Variants in HLA-DMB observed in about 807,000 individuals in gnomAD.
HLA-DMB encodes HLA class II histocompatibility antigen, DM beta chain.
A neutral mutation model predicts 29.3 loss-of-function variants in HLA-DMB; 18 were observed. That is an observed-to-expected ratio of 0.62 (90% CI 0.43 to 0.91). The LOEUF is 0.91. HLA-DMB is among the 40% of genes least tolerant of loss of function. The pLI, the probability that HLA-DMB is intolerant of heterozygous loss-of-function variation, is 0.00. For missense variants in HLA-DMB, 258 were observed against 320.9 expected (o/e 0.80, Z 1.50); for synonymous variants, 143 against 128.7 (o/e 1.11, Z -0.75).
At chr6:32,935,168 G>C in intron 5 of HLA-DMB, 174 bp downstream of exon 5, 1 of 832,608 alleles carries the variant, frequency 1.2e-6, no homozygotes, top group Non-Finnish European at 2.0e-6. Flanking sequence ...AGAAGAGGAG[G>C]ATGCTCCTTC....
intron 1 of HLA-DMB, among the ~76,000 whole-genome samples, chr6:32,939,235 G>T (rs1179676061): frequency 6.6e-6 from 1 of 152,160 alleles, no homozygotes; most frequent in African/African-American, 2.4e-5. Context: ...TCACCAGAAA[G>T]ACCAAGTCAT....
At chr6:32,935,882 C>A in intron 3 of HLA-DMB, 1 of 577,500 alleles carries the variant, frequency 1.7e-6, no homozygotes, top group South Asian at 2.1e-5. Flanking sequence ...GAATTAGCAT[C>A]CTGGCTTCCA....
Position 32,937,236 on chromosome 6 carries a change from G to A in HLA-DMB, c.558C>T (p.Tyr186=), listed in dbSNP as rs771918401. ...TLSHLALTPS[Y]GDTYTCVVEH... is the part of the protein sequence containing the mutation. ...CTACCACACAGGTGTAAGTGTCCCC[G>A]TAAGAGGGGGTTAAGGCTAAATGGG... Residue 186 remains tyrosine, a synonymous_variant, in exon 3 of 6, where the codon TAC becomes TAT. Transcript: ENST00000418107. The surrounding 1 kb of genome is among the most constrained non-coding windows in gnomAD (Gnocchi z 4.1). 18 of 1,613,778 alleles carry A rather than the reference G, an allele frequency of 1.1e-5. No homozygotes were observed. The highest frequency in any genetic ancestry group is 6.7e-5 in the Admixed American group (4 of 59,990).
chr6:32,938,566 A>G, intron 2 of HLA-DMB, 118 bp downstream of exon 2: 1 of 1,040,978 alleles, frequency 9.6e-7, no homozygotes. Context: ...TTTCAGATCC[A>G]CACATTTTCT....
chr6:32,936,389 C>G (rs1775995499), intron 3 of HLA-DMB: 1 of 152,392 alleles, frequency 6.6e-6, no homozygotes, highest in African/African-American at 2.4e-5. Context: ...AACAACACTT[C>G]CCACAAGGGG....
intron 1 of HLA-DMB, 109 bp downstream of exon 1, chr6:32,940,644 T>C (rs773130997): frequency 1.2e-5 from 9 of 723,250 alleles, no homozygotes; most frequent in Non-Finnish European, 1.9e-5. Context: ...TAGGAATGTA[T>C]ACCAGGGAGA....
Position 32,938,747 on chromosome 6 carries a change from T to C in HLA-DMB, c.274A>G (p.Asn92Asp), listed in dbSNP as rs768294785. The change falls in exon 2 of 6, where the codon AAT (asparagine) becomes GAT (aspartate). Residue 92 changes from asparagine (N) to aspartate (D), a missense_variant. Coordinates refer to ENST00000418107, the MANE Select transcript of HLA-DMB (RefSeq NM_002118.5). ...TGTGTGGCACAATTCTGAAGCCCAT[T>C]GCGCAAGCGCTGCATCAGGGTGTCT... ...QKDTLMQRLR[N>D]GLQNCATHTQ... 2 of 1,598,130 alleles carry C rather than the reference T, an allele frequency of 1.3e-6. No individual in the cohort carries two copies. The highest frequency in any genetic ancestry group is 1.7e-5 in the Admixed American group (1 of 58,330).
intron 3 of HLA-DMB, chr6:32,936,824 G>T (rs2071556): frequency 0.59 from 124,814 of 213,346 alleles, 37,281 homozygotes; most frequent in Non-Finnish European, 0.61. Context: ...CAAATTTACA[G>T]CCTCATTTCA....
intron 2 of HLA-DMB, chr6:32,938,384 T>C: frequency 2.8e-6 from 1 of 351,726 alleles, no homozygotes; most frequent in Non-Finnish European, 5.1e-6. Context: ...CATCAAAATC[T>C]GGGATAACAA....
At chr6:32,939,033 T>G (rs116782913) in intron 1 of HLA-DMB, 68 bp from the exon 2 acceptor site, 6 of 918,412 alleles carry the variant, frequency 6.5e-6, no homozygotes, top group Non-Finnish European at 8.7e-6. Flanking sequence ...TAAATAAATA[T>G]ATAAATAATA....
rs771293946 is a variant in HLA-DMB, at chr6:32,938,600, A to C, written c.337+84T>G. On this transcript the variant is annotated intron_variant, in intron 2 of 5. Transcript: ENST00000418107. ...CTCTTATTTGCTGCTCAAATCTCAAACCCCTGGGCCACTGTGGGATCCTCC... is the reference window on the plus strand; with the variant it reads ...CTCTTATTTGCTGCTCAAATCTCAACCCCCTGGGCCACTGTGGGATCCTCC... 1.7e-5 allele frequency: 22 copies of C among 1,297,524 alleles called. No individual in the cohort carries two copies. In the Admixed American group the frequency reaches 4.7e-4, roughly 27 times the overall value. The allele number at this position is 1,297,524 out of a possible 1,614,324, so 80.4% of individuals were successfully genotyped here.
chr6:32,938,957 C>G lies in HLA-DMB; in HGVS notation c.64G>C (p.Val22Leu), dbSNP rs771718349. 1 of 1,559,242 alleles carries G rather than the reference C, an allele frequency of 6.4e-7. No homozygotes were observed. The highest frequency in any genetic ancestry group is 8.7e-7 in the Non-Finnish European group (1 of 1,151,360). Residue 22 changes from valine to leucine, a missense_variant, in exon 2 of 6, where the codon GTG becomes CTG. Physicochemically the swap from Val to Leu is conservative, Grantham distance 32 (BLOSUM62 1). Coordinates refer to ENST00000418107, the MANE Select transcript of HLA-DMB (RefSeq NM_002118.5). ...AGACAGGTGCTTTCCACATGGGCCA[C>G]GAAGCCACCTAGAGGAGCCAGGGAA... Reference protein sequence around the residue: ...SLGCTGAGGFVAHVESTCLLD... With the variant: ...SLGCTGAGGFLAHVESTCLLD...
Position 32,937,567 on chromosome 6 carries a change from A to C in HLA-DMB, c.338-111T>G. Reference sequence around the variant, plus strand: ...TCGTAGATTTTGCAACCCACTTTCCACCCCAGCCCCCTCTGCCATGCTGCC... The same window carrying C: ...TCGTAGATTTTGCAACCCACTTTCCCCCCCAGCCCCCTCTGCCATGCTGCC... On this transcript the variant is annotated intron_variant, in intron 2 of 5. Transcript: ENST00000418107. This position sits in a 1 kb window ranked among gnomAD's most constrained non-coding sequence, Gnocchi z 4.1. The C allele has an allele frequency of 1.0e-6, 1 of 975,816 alleles. No individual in the cohort carries two copies. Among genetic ancestry groups the C allele is most frequent in the Non-Finnish European group, 1.5e-6 (1 of 651,422 alleles). The allele number at this position is 975,816 out of a possible 1,614,324, so 60.4% of individuals were successfully genotyped here.
Position 32,934,697 on chromosome 6 carries a change from G to C in HLA-DMB, c.*274C>G, listed in dbSNP as rs1047333464. On this transcript the variant is annotated 3_prime_UTR_variant, in exon 6 of 6. Coordinates refer to ENST00000418107, the MANE Select transcript of HLA-DMB (RefSeq NM_002118.5). ...GTTGCTGTCCTCTATGGCACACTGA[G>C]AGCCCCAGGAGGGTCTTTAACTCCC... 2.0e-6 allele frequency: 1 copy of C among 512,418 alleles called. No individual in the cohort carries two copies. The highest frequency in any genetic ancestry group is 1.9e-5 in the African/African-American group (1 of 51,602). The allele number at this position is 512,418 out of a possible 1,614,324, so 31.7% of individuals were successfully genotyped here. A position where few individuals can be genotyped will look rare whatever the true frequency, so the allele number is the denominator to read the frequency against.
chr6:32,935,107 T>G (rs942513735), intron 5 of HLA-DMB, 120 bp from the exon 6 acceptor site: 1 of 1,159,142 alleles, frequency 8.6e-7, no homozygotes, highest in Non-Finnish European at 1.3e-6. Flanking sequence ...CACCAACAAC[T>G]AATACAAAGG....
intron 5 of HLA-DMB, 171 bp downstream of exon 5, chr6:32,935,171 G>C (rs1775931036): frequency 1.2e-6 from 1 of 811,644 alleles, no homozygotes; most frequent in Non-Finnish European, 2.1e-6. Context: ...AGAGGAGGAT[G>C]CTCCTTCCTG....
At chr6:32,935,011 T>C in intron 5 of HLA-DMB, 24 bp from the exon 6 acceptor site, 1 of 1,612,596 alleles carries the variant, frequency 6.2e-7, no homozygotes, top group Non-Finnish European at 8.5e-7. Context: ...AAAAGGGAGA[T>C]AATGAGGCTT....
In HLA-DMB at chr6:32,938,749, C is replaced by T. The variant is rs150015309; in HGVS notation, c.272G>A (p.Arg91His). 3.0e-5 allele frequency: 48 copies of T among 1,600,044 alleles called. No homozygotes were observed. The African/African-American group carries it at 3.2e-4, about 11-fold the overall frequency. Reference sequence around the variant, plus strand: ...TGTGGCACAATTCTGAAGCCCATTGCGCAAGCGCTGCATCAGGGTGTCTTT... The same window carrying T: ...TGTGGCACAATTCTGAAGCCCATTGTGCAAGCGCTGCATCAGGGTGTCTTT... ...NQKDTLMQRL[R>H]NGLQNCATHT... Residue 91 changes from arginine (R) to histidine (H), a missense_variant, in exon 2 of 6, where the codon CGC becomes CAC. Physicochemically the swap from Arg to His is conservative, Grantham distance 29. Transcript: ENST00000418107.
At chr6:32,935,458 G>A (rs1474900475) in intron 4 of HLA-DMB, 78 bp downstream of exon 4, 6 of 1,507,216 alleles carry the variant, frequency 4.0e-6, no homozygotes, top group East Asian at 4.5e-5. Context: ...GCAGTAGGAA[G>A]GAGAGAGTTA....
Sources: allele counts gnomAD v4.1 joint callset (sites outside exome capture counted in the v4.1 genomes callset), GRCh38; gene constraint gnomAD v4.1.1; non-coding constraint Gnocchi (gnomAD v3.1); transcripts MANE v1.5; gene names NCBI Gene and HGNC (gene_info 2026-07-23, HGNC 2026-07-21).